DCT: variants seen among roughly 807,000 people sequenced by gnomAD.
DCT encodes the protein dopachrome tautomerase.
DCT carries 47 observed loss-of-function variants against 53.0 expected under a neutral mutation model. The ratio of observed to expected loss-of-function variants is 0.89; its 90% CI spans 0.70 to 1.13. The LOEUF is 1.13. Among genes scored for constraint, DCT ranks in the 50% most tolerant of loss-of-function variants. DCT has a pLI of 0.00. For missense variants in DCT, 669 were observed against 637.4 expected, an observed-to-expected ratio of 1.05 and a Z score of -0.53; for synonymous variants, 244 against 237.0, an observed-to-expected ratio of 1.03 and a Z score of -0.27.
At chr13:94,486,905 A>AAC in the DCT span, among the ~76,000 whole-genome samples, 7 of 152,012 alleles carry the variant, frequency 4.6e-5, no homozygotes, top group Admixed American at 2.0e-4. Flanking sequence ...AAATAAGACA[A>AAC]ACACACACAC....
At chr13:94,483,401 T>C (rs1272661553), upstream of DCT, among the ~76,000 whole-genome samples, 1 of 151,752 alleles carries the variant, frequency 6.6e-6, no homozygotes, top group Admixed American at 6.6e-5. Flanking sequence ...CCAGTCAGGC[T>C]CCATAGACCG....
chr13:94,513,795 T>A, the DCT span, among the ~76,000 whole-genome samples: 1 of 151,960 alleles, frequency 6.6e-6, no homozygotes, highest in Admixed American at 6.6e-5. Context: ...GAGACTAGCC[T>A]GACCAACATG....
At chr13:94,453,930 T>C (rs1482561621) in intron 6 of DCT, among the ~76,000 whole-genome samples, 1 of 152,194 alleles carries the variant, frequency 6.6e-6, no homozygotes, top group South Asian at 2.1e-4. Flanking sequence ...CTATCCTTCT[T>C]TTTTTAAATT....
the DCT span, among the ~76,000 whole-genome samples, chr13:94,542,244 A>C: frequency 2.6e-5 from 4 of 152,302 alleles, no homozygotes; most frequent in African/African-American, 9.6e-5. Flanking sequence ...GCTGGAGTGC[A>C]GTGGTGCAAT....
At chr13:94,440,327 A>C (rs893633239) in intron 7 of DCT, among the ~76,000 whole-genome samples, 6 of 152,182 alleles carry the variant, frequency 3.9e-5, no homozygotes, top group Non-Finnish European at 8.8e-5. Flanking sequence ...TGTTACAATA[A>C]ATGCTTATGC....
At chr13:94,444,277 A>C in intron 6 of DCT, 1 of 333,772 alleles carries the variant, frequency 3.0e-6, no homozygotes, top group South Asian at 2.5e-5. Flanking sequence ...CAAAATCCCA[A>C]ACACTTCTGG....
At chr13:94,477,660 TAA>T (rs35869304) in intron 1 of DCT, among the ~76,000 whole-genome samples, 1 of 150,826 alleles carries the variant, frequency 6.6e-6, no homozygotes, top group African/African-American at 2.4e-5. Flanking sequence ...AAGTTAAAAT[TAA>T]AAAAAAAAAT....
chr13:94,489,912 A>G, the DCT span, among the ~76,000 whole-genome samples: 1 of 152,204 alleles, frequency 6.6e-6, no homozygotes, highest in East Asian at 1.9e-4. Flanking sequence ...CCCAGAAATG[A>G]AGTTGTTTTC....
At chr13:94,491,132 A>G in the DCT span, among the ~76,000 whole-genome samples, 1 of 152,186 alleles carries the variant, frequency 6.6e-6, no homozygotes, top group African/African-American at 2.4e-5. Flanking sequence ...TAGAGAGTAA[A>G]GAGTTCAGAG....
the DCT span, among the ~76,000 whole-genome samples, chr13:94,515,630 G>A: frequency 2.7e-4 from 41 of 152,360 alleles, no homozygotes; most frequent in African/African-American, 9.6e-4. Flanking sequence ...AGGGCTTGGA[G>A]TGGTTTTCAG....
In DCT at chr13:94,437,786, A is replaced by T. The variant is rs1881994487; in HGVS notation, c.*2112T>A. 6.6e-6 allele frequency: 1 copy of T among 152,226 alleles called. No individual in the cohort carries two copies. Among genetic ancestry groups the T allele is most frequent in the South Asian group, 2.1e-4 (1 of 4,830 alleles). 9.4% of individuals were successfully genotyped at this position (152,226 alleles called of 1,614,324 possible). ...ATTGTAAGGTCAGAAAATGCTAGAA[A>T]ATTGTATTTCTCTTATATGAACTAC... On this transcript the variant is annotated 3_prime_UTR_variant, in exon 8 of 8. Transcript: ENST00000377028.
chr13:94,475,978 G>GC (rs1377433043), intron 1 of DCT, among the ~76,000 whole-genome samples: 1 of 152,162 alleles, frequency 6.6e-6, no homozygotes, highest in Non-Finnish European at 1.5e-5. Context: ...GCAGATCACG[G>GC]GGGGAGGTGA....
At chr13:94,529,481 T>C in the DCT span, among the ~76,000 whole-genome samples, 2 of 152,136 alleles carry the variant, frequency 1.3e-5, no homozygotes, top group Non-Finnish European at 2.9e-5. Flanking sequence ...TGAGGATTAA[T>C]AAACTCACTC....
the DCT span, among the ~76,000 whole-genome samples, chr13:94,527,925 A>G: frequency 6.6e-6 from 1 of 152,242 alleles, no homozygotes; most frequent in Non-Finnish European, 1.5e-5. Context: ...TAGAATAAAC[A>G]GTGTAGAGAA....
intron 1 of DCT, among the ~76,000 whole-genome samples, chr13:94,476,012 C>T (rs1434006775): frequency 1.3e-5 from 2 of 152,106 alleles, no homozygotes; most frequent in African/African-American, 4.8e-5. Context: ...GATGGGGCCT[C>T]AGGGCCAGGC....
At chr13:94,493,936 G>A in the DCT span, among the ~76,000 whole-genome samples, 1 of 152,214 alleles carries the variant, frequency 6.6e-6, no homozygotes, top group Non-Finnish European at 1.5e-5. Flanking sequence ...CAGTGGGGCA[G>A]TAAGAGGCTG....
At chr13:94,477,239 G>A (rs949547627) in intron 1 of DCT, among the ~76,000 whole-genome samples, 6 of 152,154 alleles carry the variant, frequency 3.9e-5, no homozygotes, top group African/African-American at 1.2e-4. Context: ...GGGATTACAG[G>A]TGCCTGCCAC....
chr13:94,456,646 C>A (rs1883430558), intron 6 of DCT, among the ~76,000 whole-genome samples: 1 of 152,084 alleles, frequency 6.6e-6, no homozygotes, highest in Non-Finnish European at 1.5e-5. Context: ...TCCTATTGTC[C>A]TAATCTACTA....
intron 6 of DCT, among the ~76,000 whole-genome samples, chr13:94,446,085 G>A (rs952702364): frequency 1.3e-5 from 2 of 152,192 alleles, no homozygotes; most frequent in Admixed American, 6.5e-5. Flanking sequence ...GAAGGCAGAG[G>A]TGGTGAAACG....
Sources: gnomAD v4.1 joint callset for allele counts (sites outside exome capture counted in the v4.1 genomes callset) on GRCh38, gnomAD v4.1.1 for gene constraint, MANE v1.5 for transcripts, NCBI Gene and HGNC (gene_info 2026-07-23, HGNC 2026-07-21) for gene names.